Variants in NRXN1 observed in about 807,000 individuals in gnomAD.
NRXN1 encodes the protein neurexin 1, also known as neurexin-1.
NRXN1 carries 39 observed loss-of-function variants against 150.9 expected under a neutral mutation model. The ratio of observed to expected loss-of-function variants is 0.26; its 90% CI spans 0.20 to 0.34. The LOEUF is 0.34. Ranked by LOEUF, NRXN1 falls within the 10% of genes least tolerant of loss-of-function variation. The probability of loss-of-function intolerance (pLI) is 1.00; values close to 1 mark genes in which losing one functional copy is unlikely to be tolerated. For synonymous variants in NRXN1, 924 were observed against 757.0 expected, an observed-to-expected ratio of 1.22 and a Z score of -3.62; for missense variants, 1,815 against 1,949.9, an observed-to-expected ratio of 0.93 and a Z score of 1.30.
At chr2:50,941,965 G>T (rs1205316495) in intron 2 of NRXN1, among the ~76,000 whole-genome samples, 1 of 152,212 alleles carries the variant, frequency 6.6e-6, no homozygotes, top group African/African-American at 2.4e-5. Context: ...GAGGCCTTGA[G>T]GCCTGGGAGG....
chr2:50,600,382 T>C (rs1040148082), intron 8 of NRXN1, among the ~76,000 whole-genome samples: 3 of 147,314 alleles, frequency 2.0e-5, no homozygotes, highest in Non-Finnish European at 4.4e-5. Context: ...TGGAGTGCAG[T>C]GGTGCCATCT....
chr2:50,139,686 T>C (rs1306350402), intron 18 of NRXN1, among the ~76,000 whole-genome samples: 4 of 152,102 alleles, frequency 2.6e-5, no homozygotes, highest in African/African-American at 9.7e-5. Context: ...AAATATCAAG[T>C]GGTGCTGATC....
intron 18 of NRXN1, among the ~76,000 whole-genome samples, chr2:50,229,127 C>T (rs548380885): frequency 2.6e-5 from 4 of 152,078 alleles, no homozygotes; most frequent in Admixed American, 1.3e-4. Flanking sequence ...TATCTATGCA[C>T]CTAGATTATT....
At chr2:50,355,194 G>A (rs1395633431) in intron 17 of NRXN1, among the ~76,000 whole-genome samples, 1 of 149,512 alleles carries the variant, frequency 6.7e-6, no homozygotes, top group Non-Finnish European at 1.5e-5. Flanking sequence ...TCTCTATCTG[G>A]GATCTATAAT....
chr2:50,722,926 C>T (rs1455731528), intron 5 of NRXN1, among the ~76,000 whole-genome samples: 1 of 152,062 alleles, frequency 6.6e-6, no homozygotes, highest in African/African-American at 2.4e-5. Context: ...TTGCCTTGGT[C>T]CAACTCCTCC....
In NRXN1 at chr2:50,857,941, C is replaced by T. The variant is rs563759244; in HGVS notation, c.832+63928G>A. Among the ~76,000 whole-genome samples the T allele has an allele frequency of 7.2e-5, 11 of 152,128 alleles. No homozygotes were observed. The South Asian group carries it at 1.9e-3, about 26-fold the overall frequency. On this transcript the variant is annotated intron_variant, in intron 5 of 22. Transcript: ENST00000401669. ...CTATACAATGATGCAATCCAATGTG[C>T]GAGAATCTTTTTTTGTTACACCTTT...
chr2:50,357,298 ATTTATTTT>A (rs779229120), intron 17 of NRXN1, among the ~76,000 whole-genome samples: 4 of 150,526 alleles, frequency 2.7e-5, no homozygotes, highest in Admixed American at 6.6e-5. Flanking sequence ...TTATTTATTT[ATTTATTTT>A]TTTTTTTATT....
At chr2:50,241,757 G>T (rs2066019031) in intron 17 of NRXN1, among the ~76,000 whole-genome samples, 1 of 151,750 alleles carries the variant, frequency 6.6e-6, no homozygotes, top group Non-Finnish European at 1.5e-5. Context: ...TATTGAACAT[G>T]CTATTTACAT....
chr2:50,934,895 G>C (rs1202725437), intron 2 of NRXN1, among the ~76,000 whole-genome samples: 2 of 152,042 alleles, frequency 1.3e-5, no homozygotes, highest in Non-Finnish European at 2.9e-5. Context: ...TCAAACTCTG[G>C]ACAATTATTA....
chr2:50,295,191 T>C (rs2073419113), intron 17 of NRXN1, among the ~76,000 whole-genome samples: 1 of 152,204 alleles, frequency 6.6e-6, no homozygotes, highest in South Asian at 2.1e-4. Context: ...TATCAATTAA[T>C]GTTAAGTTTT....
At chr2:50,553,791 C>T (rs1291935158) in intron 8 of NRXN1, among the ~76,000 whole-genome samples, 2 of 152,198 alleles carry the variant, frequency 1.3e-5, no homozygotes, top group Non-Finnish European at 2.9e-5. Context: ...CAAGGCACTT[C>T]AGTGAAAGAG....
intron 21 of NRXN1, among the ~76,000 whole-genome samples, chr2:49,965,038 C>T (rs1676705180): frequency 6.6e-6 from 1 of 151,842 alleles, no homozygotes; most frequent in Non-Finnish European, 1.5e-5. Context: ...CACCACCACA[C>T]CTAGCTATTT....
At chr2:50,288,085 A>G (rs183719887) in intron 17 of NRXN1, among the ~76,000 whole-genome samples, 13 of 152,268 alleles carry the variant, frequency 8.5e-5, no homozygotes, top group Admixed American at 8.5e-4. Flanking sequence ...AAAAAACTCA[A>G]ATAAATTTTT....
At position 50,508,525 on chromosome 2, in the gene NRXN1, GA is replaced by G. The variant is rs750521929; in HGVS notation, c.2375-1909del. 2.6e-5 allele frequency among the ~76,000 whole-genome samples: 4 copies of G among 151,666 alleles called. No homozygotes were observed. In the South Asian group the frequency reaches 8.3e-4, roughly 32 times the overall value. On this transcript the variant is annotated intron_variant, in intron 12 of 22. Transcript: ENST00000401669. ...AGGGTCATCTTTCATTTTGATCCTTGAAAAGAGAACATATCATTTTAGAGCT... is the reference window on the plus strand; with the variant it reads ...AGGGTCATCTTTCATTTTGATCCTTGAAAGAGAACATATCATTTTAGAGCT...
chr2:50,999,059 G>T (rs1161577010), intron 2 of NRXN1, among the ~76,000 whole-genome samples: 2 of 151,966 alleles, frequency 1.3e-5, no homozygotes, highest in Non-Finnish European at 2.9e-5. Context: ...TTGTCACATG[G>T]TATACTTCCA....
intron 21 of NRXN1, among the ~76,000 whole-genome samples, chr2:49,981,240 C>CTGAA (rs1679937114): frequency 6.6e-6 from 1 of 152,050 alleles, no homozygotes; most frequent in Admixed American, 6.6e-5. Flanking sequence ...TAATAAGGAA[C>CTGAA]TGAATCTTTC....
chr2:50,821,627 G>C (rs1415953268), intron 5 of NRXN1, among the ~76,000 whole-genome samples: 1 of 152,158 alleles, frequency 6.6e-6, no homozygotes, highest in Non-Finnish European at 1.5e-5. Flanking sequence ...GAGAACAGCT[G>C]GGAGAGTCTA....
intron 5 of NRXN1, among the ~76,000 whole-genome samples, chr2:50,817,384 G>C (rs187706079): frequency 6.6e-6 from 1 of 151,818 alleles, no homozygotes; most frequent in Admixed American, 6.6e-5. Flanking sequence ...AAAAAGAAAA[G>C]CCCAGATGAG....
intron 18 of NRXN1, among the ~76,000 whole-genome samples, chr2:50,175,934 G>C (rs2152805640): frequency 6.6e-6 from 1 of 152,178 alleles, no homozygotes; most frequent in African/African-American, 2.4e-5. Flanking sequence ...AAAGCCATGA[G>C]GTCTTTTTAG....
Sources: allele counts gnomAD v4.1 joint callset (sites outside exome capture counted in the v4.1 genomes callset), GRCh38; gene constraint gnomAD v4.1.1; transcripts MANE v1.5; gene names NCBI Gene and HGNC (gene_info 2026-07-23, HGNC 2026-07-21).